CNN3: variants seen among roughly 807,000 people sequenced by gnomAD.
The protein encoded by CNN3 is calponin-3.
CNN3 carries 11 observed loss-of-function variants against 39.0 expected under a neutral mutation model. The observed-to-expected ratio is 0.28, with a 90% CI of 0.18 to 0.47. The LOEUF (loss-of-function observed/expected upper bound fraction) is 0.47, where lower values mean the gene tolerates loss of function less well. Among genes scored for constraint, CNN3 ranks in the 20% least tolerant of loss-of-function variants. The pLI is 0.99. For missense variants in CNN3, 266 were observed against 403.4 expected, an observed-to-expected ratio of 0.66 and a Z score of 2.92; for synonymous variants, 101 against 138.3, an observed-to-expected ratio of 0.73 and a Z score of 1.89.
At chr1:94,902,050 A>G (rs1430425032) in intron 4 of CNN3, 71 bp downstream of exon 4, 1 of 1,369,450 alleles carries the variant, frequency 7.3e-7, no homozygotes, top group Non-Finnish European at 1.0e-6. Context: ...ACCCCCATGA[A>G]AAAGCAATGA....
At chr1:94,905,533 A>T (rs1670975485) in intron 1 of CNN3, among the ~76,000 whole-genome samples, 1 of 152,172 alleles carries the variant, frequency 6.6e-6, no homozygotes, top group Non-Finnish European at 1.5e-5. Context: ...GGCATTAGGG[A>T]GATGGCAGTT....
intron 1 of CNN3, among the ~76,000 whole-genome samples, chr1:94,907,890 T>G (rs111385225): frequency 1.4e-4 from 21 of 152,162 alleles, no homozygotes; most frequent in African/African-American, 4.8e-4. Flanking sequence ...AAATAAAAAT[T>G]ACTCTTCCAA....
Position 94,901,049 on chromosome 1 carries a change from A to C in CNN3, c.501+620T>G, listed in dbSNP as rs551179508. Among the ~76,000 whole-genome samples the C allele has an allele frequency of 2.6e-3, 402 of 152,268 alleles. 1 individual carries two copies. The highest frequency in any genetic ancestry group is 8.7e-3 in the African/African-American group (361 of 41,550). ...ATCCTGGGCAACAAAGTGAGATCCC[A>C]TCTATATATAAAAGATAAAACAGGC... On this transcript the variant is annotated intron_variant, in intron 5 of 6. Coordinates refer to ENST00000370206, the MANE Select transcript of CNN3 (RefSeq NM_001839.5).
intron 1 of CNN3, among the ~76,000 whole-genome samples, chr1:94,922,430 A>T (rs1006494520): frequency 6.6e-6 from 1 of 152,250 alleles, no homozygotes; most frequent in Non-Finnish European, 1.5e-5. Context: ...TTTATTGAGC[A>T]TATGCTATGT....
At chr1:94,910,819 G>C (rs1157140634) in intron 1 of CNN3, among the ~76,000 whole-genome samples, 1 of 152,130 alleles carries the variant, frequency 6.6e-6, no homozygotes, top group Non-Finnish European at 1.5e-5. Context: ...ATCAGCTCCA[G>C]GTACAGAGCA....
chr1:94,908,540 GTTGT>G (rs113252372), intron 1 of CNN3, among the ~76,000 whole-genome samples: 11 of 152,164 alleles, frequency 7.2e-5, no homozygotes, highest in South Asian at 4.2e-4. Context: ...GTTTTTTGTT[GTTGT>G]TTGTTTGTTT....
intron 1 of CNN3, among the ~76,000 whole-genome samples, chr1:94,907,398 G>A (rs1671031289): frequency 6.6e-6 from 1 of 152,080 alleles, no homozygotes; most frequent in South Asian, 2.1e-4. Context: ...GTAATCTTTG[G>A]CCAATAAAAA....
At chr1:94,917,792 A>C (rs1671323214) in intron 1 of CNN3, among the ~76,000 whole-genome samples, 1 of 152,296 alleles carries the variant, frequency 6.6e-6, no homozygotes, top group Non-Finnish European at 1.5e-5. Flanking sequence ...GGATACTTTC[A>C]CTTATTTACT....
At chr1:94,924,410 T>A (rs1671526007) in intron 1 of CNN3, 1 of 152,282 alleles carries the variant, frequency 6.6e-6, no homozygotes, top group African/African-American at 2.4e-5. Context: ...TCACCTGAGG[T>A]CAGGAGTTGG....
intron 5 of CNN3, among the ~76,000 whole-genome samples, chr1:94,901,039 G>A (rs1195138043): frequency 2.0e-5 from 3 of 152,216 alleles, no homozygotes; most frequent in Admixed American, 2.0e-4. Flanking sequence ...GGGCAACAAA[G>A]TGAGATCCCA....
chr1:94,907,855 G>A (rs1003849569), intron 1 of CNN3, among the ~76,000 whole-genome samples: 8 of 152,128 alleles, frequency 5.3e-5, no homozygotes, highest in African/African-American at 9.7e-5. Flanking sequence ...GCAAGACTCC[G>A]TCTCAAAAAT....
intron 5 of CNN3, 105 bp downstream of exon 5, chr1:94,901,564 G>T: frequency 2.8e-6 from 2 of 712,664 alleles, no homozygotes; most frequent in East Asian, 2.7e-5. Flanking sequence ...CCCCCCCCCA[G>T]TACTATAGTA....
chr1:94,926,999 A>G lies in CNN3; in HGVS notation c.-105T>C. ...AGTGGCCGCCGCGGGGGATGCTCGAACTCCCTCCTCTGGGAGGCGCAGGAG... is the reference window on the plus strand; with the variant it reads ...AGTGGCCGCCGCGGGGGATGCTCGAGCTCCCTCCTCTGGGAGGCGCAGGAG... On this transcript the variant is annotated 5_prime_UTR_variant, in exon 1 of 7. Transcript: ENST00000370206. This position sits in a 1 kb window ranked among gnomAD's most constrained non-coding sequence, Gnocchi z 4.2. The G allele has an allele frequency of 7.7e-7, 1 of 1,297,910 alleles. No individual in the cohort carries two copies. Among genetic ancestry groups the G allele is most frequent in the South Asian group, 1.3e-5 (1 of 74,298 alleles). The allele number at this position is 1,297,910 out of a possible 1,614,324, so 80.4% of individuals were successfully genotyped here.
intron 4 of CNN3, 158 bp downstream of exon 4, chr1:94,901,963 C>T (rs981234824): frequency 3.8e-5 from 28 of 735,762 alleles, no homozygotes; most frequent in Middle Eastern, 2.4e-4. Flanking sequence ...CTATCTAGTA[C>T]GATGCAGCTG....
chr1:94,926,780 C>G lies in CNN3; in HGVS notation c.57+58G>C. 2 of 1,558,710 alleles carry G rather than the reference C, an allele frequency of 1.3e-6. No individual in the cohort carries two copies. The highest frequency in any genetic ancestry group is 1.8e-6 in the Non-Finnish European group (2 of 1,141,598). ...GAAGAGCAAACGAAGCACGGCCCAG[C>G]GCCAGGCCAGCCCAAGGGTGCCCCG... On this transcript the variant is annotated intron_variant, in intron 1 of 6. Transcript: ENST00000370206. The surrounding 1 kb of genome is among the most constrained non-coding windows in gnomAD (Gnocchi z 4.2).
At chr1:94,924,088 G>A (rs1671516928) in intron 1 of CNN3, 3 of 152,298 alleles carry the variant, frequency 2.0e-5, no homozygotes, top group African/African-American at 7.2e-5. Context: ...TAGCATTCAA[G>A]CAATGTATCA....
intron 1 of CNN3, among the ~76,000 whole-genome samples, chr1:94,918,060 A>G (rs1465752219): frequency 2.0e-5 from 3 of 152,256 alleles, no homozygotes; most frequent in Admixed American, 6.5e-5. Flanking sequence ...CAACTATGCT[A>G]TCTGCCTGAA....
intron 1 of CNN3, among the ~76,000 whole-genome samples, chr1:94,911,106 G>T (rs1671150036): frequency 6.6e-6 from 1 of 152,198 alleles, no homozygotes; most frequent in South Asian, 2.1e-4. Context: ...TATCTTATGG[G>T]GGGTGGGAGT....
chr1:94,914,765 T>C (rs1447014481), intron 1 of CNN3, among the ~76,000 whole-genome samples: 1 of 152,210 alleles, frequency 6.6e-6, no homozygotes, highest in Non-Finnish European at 1.5e-5. Context: ...ATTTTAAACA[T>C]GGGATAGATG....
Sources: allele counts gnomAD v4.1 joint callset (sites outside exome capture counted in the v4.1 genomes callset), GRCh38; gene constraint gnomAD v4.1.1; non-coding constraint Gnocchi (gnomAD v3.1); transcripts MANE v1.5; gene names NCBI Gene and HGNC (gene_info 2026-07-23, HGNC 2026-07-21).